Variants in CACNB2 observed in about 807,000 individuals in gnomAD.
CACNB2 encodes the protein voltage-dependent L-type calcium channel subunit beta-2.
CACNB2 carries 42 observed loss-of-function variants against 73.3 expected under a neutral mutation model. The ratio of observed to expected loss-of-function variants is 0.57; its 90% confidence interval spans 0.45 to 0.74. CACNB2 has a LOEUF of 0.74. Ranked by LOEUF, CACNB2 falls within the 30% of genes least tolerant of loss-of-function variation. The probability of loss-of-function intolerance (pLI) is 0.00; values close to 1 mark genes in which losing one functional copy is unlikely to be tolerated. For synonymous variants in CACNB2, 348 were observed against 310.3 expected (o/e 1.12, Z -1.28); for missense variants, 940 against 853.0 (o/e 1.10, Z -1.27).
At position 18,401,917 on chromosome 10, in the gene CACNB2, T is replaced by G; in HGVS notation, c.214-7T>G. 1 of 1,613,936 alleles carries G rather than the reference T, an allele frequency of 6.2e-7. No individual in the cohort carries two copies. The highest frequency in any genetic ancestry group is 8.5e-7 in the Non-Finnish European group (1 of 1,179,832). On this transcript the variant is annotated splice_region_variant and splice_polypyrimidine_tract_variant and intron_variant, in intron 2 of 13. Coordinates refer to ENST00000324631, the MANE Select transcript of CACNB2 (RefSeq NM_201596.3). ...ATCTACTTTAAAATGTACATTTTCC[T>G]CTCCAGGGTTCGGCAGACTCCTACA...
chr10:18,158,991 T>A (rs1175313478), intron 2 of CACNB2, among the ~76,000 whole-genome samples: 1 of 152,180 alleles, frequency 6.6e-6, no homozygotes, highest in East Asian at 1.9e-4. Context: ...CTGCCACTGC[T>A]TATTTAGTGT....
chr10:18,507,942 G>T (rs1325772065), intron 6 of CACNB2, among the ~76,000 whole-genome samples: 1 of 151,848 alleles, frequency 6.6e-6, no homozygotes, highest in Non-Finnish European at 1.5e-5. Flanking sequence ...AAAAACTATA[G>T]GATTTTTTTT....
intron 3 of CACNB2, among the ~76,000 whole-genome samples, chr10:18,475,547 G>T (rs1433245129): frequency 6.6e-6 from 1 of 152,114 alleles, no homozygotes; most frequent in Admixed American, 6.6e-5. Context: ...CAGAGATGAT[G>T]CTCACCGCTG....
intron 2 of CACNB2, among the ~76,000 whole-genome samples, chr10:18,168,914 T>G (rs2033048628): frequency 6.6e-6 from 1 of 152,230 alleles, no homozygotes; most frequent in Non-Finnish European, 1.5e-5. Flanking sequence ...TGCAAAGACC[T>G]TATAAAATCT....
At chr10:18,455,279 G>A (rs1447713410) in intron 3 of CACNB2, among the ~76,000 whole-genome samples, 1 of 152,210 alleles carries the variant, frequency 6.6e-6, no homozygotes, top group East Asian at 1.9e-4. Context: ...TTGGTGATAG[G>A]TTGGGTTGGT....
intron 4 of CACNB2, among the ~76,000 whole-genome samples, chr10:18,499,581 C>G (rs1261848072): frequency 8.7e-6 from 1 of 114,624 alleles, no homozygotes; most frequent in Non-Finnish European, 2.0e-5. Flanking sequence ...CGCCACTGCA[C>G]CCGAGCCTGG....
At chr10:18,180,441 GTAAGGCTGCCTTTTTTTTTTTT>G (rs781280621) in intron 2 of CACNB2, among the ~76,000 whole-genome samples, 11 of 150,240 alleles carry the variant, frequency 7.3e-5, no homozygotes, top group African/African-American at 2.7e-4. Flanking sequence ...TGTGGACTGG[GTAAGGCTGCCTTTTTTTTTTTT>G]TAAGGCTGCC....
chr10:18,445,337 A>T lies in CACNB2; in HGVS notation c.333+43294A>T, dbSNP rs916777660. Among the ~76,000 whole-genome samples the T allele has an allele frequency of 7.9e-5, 12 of 152,306 alleles. No homozygotes were observed. The East Asian group carries it at 2.3e-3, about 29-fold the overall frequency. On this transcript the variant is annotated intron_variant, in intron 3 of 13. Transcript: ENST00000324631. ...ATAACTACCAACAGAGCATCAATTT[A>T]ACAAAAATTGCAGTACTTAGTATTA...
At chr10:18,357,102 G>A (rs1395571932) in intron 2 of CACNB2, among the ~76,000 whole-genome samples, 2 of 150,368 alleles carry the variant, frequency 1.3e-5, no homozygotes, top group Non-Finnish European at 1.5e-5. Context: ...GCACCACCAT[G>A]CCCGGCTAAT....
At chr10:18,457,383 C>T (rs541522333) in intron 3 of CACNB2, among the ~76,000 whole-genome samples, 9 of 152,244 alleles carry the variant, frequency 5.9e-5, no homozygotes, top group Middle Eastern at 6.8e-3. Flanking sequence ...AGCCACCACA[C>T]TTGGCCCTCC....
chr10:18,234,492 A>G (rs1015195220), intron 2 of CACNB2, among the ~76,000 whole-genome samples: 1 of 152,180 alleles, frequency 6.6e-6, no homozygotes, highest in Non-Finnish European at 1.5e-5. Flanking sequence ...AGGCAACCCA[A>G]CTGTCCATCA....
intron 2 of CACNB2, among the ~76,000 whole-genome samples, chr10:18,209,927 A>G (rs1452269518): frequency 6.6e-6 from 1 of 152,190 alleles, no homozygotes; most frequent in Non-Finnish European, 1.5e-5. Flanking sequence ...AAACTACCAA[A>G]AGCTCCTTGG....
At chr10:18,318,093 T>C (rs1449541975) in intron 2 of CACNB2, among the ~76,000 whole-genome samples, 4 of 152,152 alleles carry the variant, frequency 2.6e-5, no homozygotes, top group African/African-American at 4.8e-5. Flanking sequence ...CAAACTACCA[T>C]TGACTTTCTT....
chr10:18,280,178 G>A (rs2038479506), intron 2 of CACNB2, among the ~76,000 whole-genome samples: 1 of 152,068 alleles, frequency 6.6e-6, no homozygotes, highest in East Asian at 1.9e-4. Context: ...TTACTACTAT[G>A]TGTTGTTTCA....
chr10:18,368,428 C>A (rs1159843861), intron 2 of CACNB2, among the ~76,000 whole-genome samples: 1 of 152,140 alleles, frequency 6.6e-6, no homozygotes, highest in Non-Finnish European at 1.5e-5. Flanking sequence ...TTCTACGAAA[C>A]AAGTAATGCA....
chr10:18,405,233 A>G (rs1445695122), intron 3 of CACNB2, among the ~76,000 whole-genome samples: 2 of 152,156 alleles, frequency 1.3e-5, no homozygotes, highest in African/African-American at 4.8e-5. Flanking sequence ...CCATAAAGAA[A>G]TTCCAAGCCT....
At chr10:18,250,063 CA>C (rs1202853039) in intron 2 of CACNB2, among the ~76,000 whole-genome samples, 1 of 152,126 alleles carries the variant, frequency 6.6e-6, no homozygotes, top group Non-Finnish European at 1.5e-5. Flanking sequence ...CACTGGACTT[CA>C]AAATATATCC....
intron 2 of CACNB2, among the ~76,000 whole-genome samples, chr10:18,311,959 A>C (rs146469295): frequency 7.0e-4 from 107 of 152,282 alleles, no homozygotes; most frequent in African/African-American, 2.5e-3. Context: ...TTTCTTCTCC[A>C]ATGATAGTCC....
chr10:18,456,979 C>T (rs1414376027), intron 3 of CACNB2, among the ~76,000 whole-genome samples: 1 of 152,152 alleles, frequency 6.6e-6, no homozygotes, highest in African/African-American at 2.4e-5. Flanking sequence ...CTTAAGGGCC[C>T]TTCAGACCTC....
Sources: gnomAD v4.1 joint callset for allele counts (sites outside exome capture counted in the v4.1 genomes callset) on GRCh38, gnomAD v4.1.1 for gene constraint, MANE v1.5 for transcripts, NCBI Gene and HGNC (gene_info 2026-07-23, HGNC 2026-07-21) for gene names.